ATP9B: variants seen among roughly 807,000 people sequenced by gnomAD.
The protein encoded by ATP9B is probable phospholipid-transporting ATPase IIB.
A neutral mutation model predicts 146.1 loss-of-function variants in ATP9B; 110 were observed. The ratio of observed to expected loss-of-function variants is 0.75; its 90% CI spans 0.65 to 0.88. ATP9B has a LOEUF of 0.88. Among genes scored for constraint, ATP9B ranks in the 40% least tolerant of loss-of-function variants. The pLI is 0.00. For synonymous variants in ATP9B, 604 were observed against 569.7 expected (o/e 1.06, Z -0.86); for missense variants, 1,499 against 1,496.4 (o/e 1.00, Z -0.03).
intron 15 of ATP9B, among the ~76,000 whole-genome samples, chr18:79,311,954 A>G (rs993631345): frequency 5.3e-5 from 8 of 152,194 alleles, no homozygotes; most frequent in Non-Finnish European, 1.2e-4. Context: ...ACTTGCACGC[A>G]GCCATGCAGC....
intron 17 of ATP9B, among the ~76,000 whole-genome samples, chr18:79,330,753 T>C (rs563436957): frequency 9.2e-5 from 14 of 152,378 alleles, no homozygotes; most frequent in African/African-American, 3.4e-4. Flanking sequence ...ATTTTTGTTT[T>C]GTGTGTGAGT....
chr18:79,104,894 C>T (rs2075551405), intron 2 of ATP9B, among the ~76,000 whole-genome samples: 1 of 152,074 alleles, frequency 6.6e-6, no homozygotes, highest in South Asian at 2.1e-4. Flanking sequence ...CAGTCATGTG[C>T]CACCACACCC....
chr18:79,096,805 A>C (rs1212379044), intron 2 of ATP9B, among the ~76,000 whole-genome samples, 156 bp downstream of exon 2: 1 of 152,202 alleles, frequency 6.6e-6, no homozygotes, highest in Non-Finnish European at 1.5e-5. Flanking sequence ...AAAGCCAAAC[A>C]ATGCTAATAT....
intron 5 of ATP9B, among the ~76,000 whole-genome samples, chr18:79,137,651 C>A (rs1007807188): frequency 1.3e-5 from 2 of 152,208 alleles, no homozygotes; most frequent in African/African-American, 4.8e-5. Flanking sequence ...TCTCAGCATG[C>A]AGGCATGTTC....
At chr18:79,119,686 G>A (rs1364788073) in intron 4 of ATP9B, among the ~76,000 whole-genome samples, 2 of 152,124 alleles carry the variant, frequency 1.3e-5, no homozygotes, top group Admixed American at 6.5e-5. Context: ...CATATTGTTC[G>A]ATCTGAGAAT....
intron 12 of ATP9B, among the ~76,000 whole-genome samples, chr18:79,264,672 G>GTTT (rs376441505): frequency 0.014 from 2,050 of 146,648 alleles, 58 homozygotes; most frequent in African/African-American, 0.049. Flanking sequence ...AGTGTTTTTT[G>GTTT]TTTTTTTTTT....
At chr18:79,367,784 T>A (rs1240885135) in intron 26 of ATP9B, among the ~76,000 whole-genome samples, 1 of 152,096 alleles carries the variant, frequency 6.6e-6, no homozygotes, top group East Asian at 1.9e-4. Context: ...CAACAAATCC[T>A]CCCCAGTAGT....
At chr18:79,298,079 C>T (rs2096565652) in intron 13 of ATP9B, among the ~76,000 whole-genome samples, 1 of 147,020 alleles carries the variant, frequency 6.8e-6, no homozygotes, top group South Asian at 2.1e-4. Flanking sequence ...GCTTGTCCAA[C>T]AGTGCCAGCA....
chr18:79,365,136 A>G lies in ATP9B; in HGVS notation c.3012+5674A>G, dbSNP rs566550331. Among the ~76,000 whole-genome samples, 9 of 152,370 alleles carry G rather than the reference A, an allele frequency of 5.9e-5. No individual in the cohort carries two copies. The South Asian group carries it at 6.2e-4, about 11-fold the overall frequency. On this transcript the variant is annotated intron_variant, in intron 26 of 29. Transcript: ENST00000426216. ...CACTTTTGATAAAGGAGTTGTTTCTATAGTATATAAGAAACCCCCAAAATT... is the reference window on the plus strand; with the variant it reads ...CACTTTTGATAAAGGAGTTGTTTCTGTAGTATATAAGAAACCCCCAAAATT...
chr18:79,314,667 T>C (rs1297471059), intron 15 of ATP9B, among the ~76,000 whole-genome samples: 1 of 152,260 alleles, frequency 6.6e-6, no homozygotes, highest in Non-Finnish European at 1.5e-5. Flanking sequence ...TATTTCATTT[T>C]CTCTAAGAGA....
At chr18:79,303,041 C>T (rs572756005) in intron 13 of ATP9B, among the ~76,000 whole-genome samples, 37 of 152,256 alleles carry the variant, frequency 2.4e-4, no homozygotes, top group African/African-American at 8.2e-4. Flanking sequence ...AAGGCAATGA[C>T]GGACTTTCTT....
At chr18:79,266,758 T>C (rs149333032) in intron 12 of ATP9B, among the ~76,000 whole-genome samples, 4,907 of 152,192 alleles carry the variant, frequency 0.032, 118 homozygotes, top group Non-Finnish European at 0.042. Context: ...TGATTGACTT[T>C]CTAGTGTCAT....
intron 13 of ATP9B, among the ~76,000 whole-genome samples, chr18:79,285,804 AG>A (rs1416599308): frequency 1.3e-5 from 2 of 152,168 alleles, no homozygotes; most frequent in African/African-American, 2.4e-5. Context: ...ATAAGGTGTA[AG>A]AAAGGGATCC....
chr18:79,195,181 G>A (rs999999410), intron 9 of ATP9B, among the ~76,000 whole-genome samples: 6 of 152,160 alleles, frequency 3.9e-5, no homozygotes, highest in African/African-American at 1.4e-4. Flanking sequence ...CTTGGACTAA[G>A]AAACAAATTC....
intron 18 of ATP9B, 128 bp from the exon 19 acceptor site, chr18:79,337,151 C>A: frequency 7.9e-7 from 1 of 1,269,944 alleles, no homozygotes; most frequent in Non-Finnish European, 1.1e-6. Context: ...GGAGTACACA[C>A]ACAGCACGTA....
At chr18:79,150,310 T>G (rs2094666709) in intron 6 of ATP9B, among the ~76,000 whole-genome samples, 1 of 151,934 alleles carries the variant, frequency 6.6e-6, no homozygotes, top group Non-Finnish European at 1.5e-5. Context: ...CTGGATAGTT[T>G]CTTAAAAAAA....
intron 13 of ATP9B, among the ~76,000 whole-genome samples, chr18:79,295,131 A>G (rs933386926): frequency 3.3e-5 from 5 of 151,704 alleles, no homozygotes; most frequent in African/African-American, 1.2e-4. Context: ...CACACACAGC[A>G]AGGTTGATGC....
intron 13 of ATP9B, among the ~76,000 whole-genome samples, chr18:79,299,202 C>T (rs751047960): frequency 2.6e-4 from 40 of 151,558 alleles, no homozygotes; most frequent in African/African-American, 4.4e-4. Context: ...AGAATGAAGC[C>T]GGGACTCCTG....
intron 12 of ATP9B, among the ~76,000 whole-genome samples, chr18:79,259,631 G>A (rs1472290634): frequency 6.6e-6 from 1 of 152,172 alleles, no homozygotes; most frequent in African/African-American, 2.4e-5. Flanking sequence ...TGAGCGTGGG[G>A]ATGCTTGCCT....
Sources: gnomAD v4.1 joint callset for allele counts (sites outside exome capture counted in the v4.1 genomes callset) on GRCh38, gnomAD v4.1.1 for gene constraint, MANE v1.5 for transcripts, NCBI Gene and HGNC (gene_info 2026-07-23, HGNC 2026-07-21) for gene names.